The following DENND1B variants were observed in gnomAD, a reference collection of about 807,000 sequenced individuals.
The protein encoded by DENND1B is DENN domain-containing protein 1B.
A neutral mutation model predicts 90.1 loss-of-function variants in DENND1B; 59 were observed. The observed-to-expected ratio is 0.65, with a 90% CI of 0.53 to 0.81. The LOEUF is 0.81. DENND1B is among the 40% of genes least tolerant of loss of function. The probability of loss-of-function intolerance (pLI) is 0.00; values close to 1 mark genes in which losing one functional copy is unlikely to be tolerated. For missense variants in DENND1B, 862 were observed against 912.6 expected (o/e 0.94, Z 0.71); for synonymous variants, 337 against 324.6 (o/e 1.04, Z -0.41).
chr1:197,772,062 T>G (rs1294124555), intron 2 of DENND1B, among the ~76,000 whole-genome samples: 1 of 152,184 alleles, frequency 6.6e-6, no homozygotes, highest in Non-Finnish European at 1.5e-5. Flanking sequence ...ATCGTTTACC[T>G]CCCTGCAAAA....
At chr1:197,619,393 A>G (rs373016483) in intron 10 of DENND1B, among the ~76,000 whole-genome samples, 3 of 151,136 alleles carry the variant, frequency 2.0e-5, no homozygotes, top group Non-Finnish European at 3.0e-5. Context: ...TTAAGACTGT[A>G]TTAACTCTTT....
At chr1:197,578,659 T>C (rs900976506) in intron 15 of DENND1B, among the ~76,000 whole-genome samples, 7 of 152,162 alleles carry the variant, frequency 4.6e-5, no homozygotes, top group Admixed American at 1.3e-4. Flanking sequence ...AAACATCACA[T>C]TGTACCCCAT....
Position 197,618,816 on chromosome 1 carries a change from G to A in DENND1B, c.673-1057C>T, listed in dbSNP as rs544164138. 8.6e-5 allele frequency among the ~76,000 whole-genome samples: 13 copies of A among 150,710 alleles called. No homozygotes were observed. The East Asian group carries it at 9.8e-4, about 11-fold the overall frequency. On this transcript the variant is annotated intron_variant, in intron 10 of 22. Coordinates refer to ENST00000620048, the MANE Select transcript of DENND1B (RefSeq NM_001195215.2). ...AAATGAACCAGACTTTCTATAAACC[G>A]TTTTCTCTATTATTATACAAAGATA...
intron 2 of DENND1B, among the ~76,000 whole-genome samples, chr1:197,737,730 A>G (rs1032910540): frequency 1.3e-5 from 2 of 152,212 alleles, no homozygotes; most frequent in Non-Finnish European, 2.9e-5. Flanking sequence ...GGGAAGCCTC[A>G]AGATTCTAAT....
chr1:197,603,531 G>A (rs1194920077), intron 13 of DENND1B, among the ~76,000 whole-genome samples: 1 of 150,578 alleles, frequency 6.6e-6, no homozygotes, highest in Non-Finnish European at 1.5e-5. Context: ...AAGCAATACA[G>A]GTAAAAAAAA....
intron 15 of DENND1B, among the ~76,000 whole-genome samples, 157 bp from the exon 16 acceptor site, chr1:197,553,269 ACAC>A (rs1671409494): frequency 6.6e-6 from 1 of 152,206 alleles, no homozygotes; most frequent in African/African-American, 2.4e-5. Context: ...ATATACACAC[ACAC>A]AAGAAAATTC....
At chr1:197,697,930 A>G (rs1395971955) in intron 3 of DENND1B, among the ~76,000 whole-genome samples, 2 of 152,072 alleles carry the variant, frequency 1.3e-5, no homozygotes, top group Non-Finnish European at 2.9e-5. Flanking sequence ...AAGTTCTTAG[A>G]GACCTACAAA....
chr1:197,647,174 C>T (rs1309469507), intron 7 of DENND1B, 60 bp from the exon 8 acceptor site: 7 of 1,219,706 alleles, frequency 5.7e-6, no homozygotes, highest in Admixed American at 4.0e-5. Flanking sequence ...GCTTACACAA[C>T]AATTTGCTGT....
At chr1:197,585,482 T>G (rs1416460720) in intron 14 of DENND1B, among the ~76,000 whole-genome samples, 1 of 152,206 alleles carries the variant, frequency 6.6e-6, no homozygotes, top group Non-Finnish European at 1.5e-5. Context: ...GAGTTGGGCA[T>G]AGTTTAATCA....
intron 10 of DENND1B, among the ~76,000 whole-genome samples, chr1:197,632,648 T>G (rs977885438): frequency 5.3e-5 from 8 of 152,128 alleles, no homozygotes; most frequent in African/African-American, 1.9e-4. Flanking sequence ...TACCTTATCT[T>G]TGGAAACTCT....
chr1:197,772,463 C>T (rs1656741926), intron 2 of DENND1B, among the ~76,000 whole-genome samples: 1 of 152,206 alleles, frequency 6.6e-6, no homozygotes, highest in Non-Finnish European at 1.5e-5. Context: ...TTTCCTATTA[C>T]TACCATGTTC....
At chr1:197,620,609 A>G (rs1482444938) in intron 10 of DENND1B, among the ~76,000 whole-genome samples, 1 of 151,378 alleles carries the variant, frequency 6.6e-6, no homozygotes, top group African/African-American at 2.4e-5. Context: ...AAATATATCT[A>G]AAAGTTTAAG....
At chr1:197,686,693 T>G (rs1218233309) in intron 3 of DENND1B, among the ~76,000 whole-genome samples, 12 of 151,906 alleles carry the variant, frequency 7.9e-5, no homozygotes, top group Admixed American at 7.9e-4. Flanking sequence ...CTCCTCCCAC[T>G]GAAAAGTATC....
chr1:197,518,855 CTG>C (rs1048676863), intron 20 of DENND1B, among the ~76,000 whole-genome samples: 1 of 151,804 alleles, frequency 6.6e-6, no homozygotes, highest in Non-Finnish European at 1.5e-5. Context: ...GTCGGGAAAA[CTG>C]TGAAAGACTT....
In DENND1B at chr1:197,627,163, C is replaced by T. The variant is rs547768544; in HGVS notation, c.673-9404G>A. On this transcript the variant is annotated intron_variant, in intron 10 of 22. Coordinates refer to ENST00000620048, the MANE Select transcript of DENND1B (RefSeq NM_001195215.2). ...AATCAATAGAAAAAGAGGGAATCCTCCCTAACTCATTTTATGAGGCCAGCA... is the reference window on the plus strand; with the variant it reads ...AATCAATAGAAAAAGAGGGAATCCTTCCTAACTCATTTTATGAGGCCAGCA... Among the ~76,000 whole-genome samples, 10 of 152,196 alleles carry T rather than the reference C, an allele frequency of 6.6e-5. No individual in the cohort carries two copies. In the South Asian group the frequency reaches 2.1e-3, roughly 32 times the overall value.
intron 4 of DENND1B, 61 bp from the exon 5 acceptor site, chr1:197,672,217 C>A: frequency 3.3e-6 from 5 of 1,530,708 alleles, no homozygotes; most frequent in Admixed American, 2.1e-5. Context: ...TCAAGAAAAA[C>A]AAAAATAAGA....
intron 16 of DENND1B, chr1:197,552,661 A>G (rs1671336175): frequency 5.9e-6 from 6 of 1,022,106 alleles, no homozygotes; most frequent in Non-Finnish European, 7.0e-6. Context: ...CAGTTCTTAA[A>G]TTCATACTCA....
At chr1:197,606,013 A>G (rs1676643964) in intron 13 of DENND1B, 1 of 151,102 alleles carries the variant, frequency 6.6e-6, no homozygotes, top group African/African-American at 2.4e-5. Context: ...ATATGCTCTG[A>G]AGGCATTTTT....
chr1:197,734,896 G>A (rs181295983), intron 2 of DENND1B: 2 of 985,238 alleles, frequency 2.0e-6, no homozygotes, highest in East Asian at 2.3e-4. Context: ...GTCTGGCATG[G>A]AGGAGTATGT....
Sources: allele counts gnomAD v4.1 joint callset (sites outside exome capture counted in the v4.1 genomes callset), GRCh38; gene constraint gnomAD v4.1.1; transcripts MANE v1.5; gene names NCBI Gene and HGNC (gene_info 2026-07-23, HGNC 2026-07-21).